Variants in RAB31 observed in about 807,000 individuals in gnomAD.
RAB31 encodes the protein RAB31, member RAS oncogene family, also known as ras-related protein Rab-31.
Under a neutral mutation model 25.6 loss-of-function variants are expected in RAB31, and 21 were observed. That is an observed-to-expected ratio of 0.82 (90% CI 0.58 to 1.18). The LOEUF (loss-of-function observed/expected upper bound fraction) is 1.18, where lower values mean the gene tolerates loss of function less well. Ranked by LOEUF, RAB31 falls within the 50% of genes most tolerant of loss-of-function variation. The probability of loss-of-function intolerance (pLI) is 0.00; values close to 1 mark genes in which losing one functional copy is unlikely to be tolerated. For missense variants in RAB31, 196 were observed against 250.1 expected (o/e 0.78, Z 1.46); for synonymous variants, 87 against 84.0 (o/e 1.04, Z -0.20).
intron 3 of RAB31, among the ~76,000 whole-genome samples, chr18:9,805,601 A>G (rs1022327857): frequency 6.6e-6 from 1 of 152,164 alleles, no homozygotes; most frequent in African/African-American, 2.4e-5. Context: ...GTAACCTAAC[A>G]TAGTCACAGG....
intron 2 of RAB31, 129 bp from the exon 3 acceptor site, chr18:9,792,025 G>A (rs1439720417): frequency 2.4e-5 from 31 of 1,277,438 alleles, no homozygotes; most frequent in Middle Eastern, 2.3e-4. Context: ...CCCTTTTCTC[G>A]TCTTAGTGGT....
intron 1 of RAB31, among the ~76,000 whole-genome samples, chr18:9,741,460 C>G (rs892924793): frequency 1.3e-5 from 2 of 149,634 alleles, no homozygotes; most frequent in African/African-American, 4.9e-5. Flanking sequence ...GGTGTCAGTG[C>G]TAAGTGACCA....
chr18:9,838,437 G>A (rs1396122309), intron 5 of RAB31, among the ~76,000 whole-genome samples: 1 of 152,152 alleles, frequency 6.6e-6, no homozygotes, highest in South Asian at 2.1e-4. Flanking sequence ...CCTCCGTAGG[G>A]AAAAGCATTC....
chr18:9,781,015 G>A (rs1436778173), intron 2 of RAB31, among the ~76,000 whole-genome samples: 5 of 152,280 alleles, frequency 3.3e-5, no homozygotes, highest in Admixed American at 1.3e-4. Flanking sequence ...AGATACCCAT[G>A]TATACTGCTG....
chr18:9,788,784 G>A (rs1026674917), intron 2 of RAB31, among the ~76,000 whole-genome samples: 3 of 152,178 alleles, frequency 2.0e-5, no homozygotes, highest in African/African-American at 7.2e-5. Context: ...TGGCCAACAT[G>A]GTGAAACCCC....
intron 1 of RAB31, among the ~76,000 whole-genome samples, chr18:9,771,596 C>T (rs536361921): frequency 2.2e-4 from 34 of 152,312 alleles, no homozygotes; most frequent in Admixed American, 1.8e-3. Context: ...CGGGGAAGGG[C>T]ATTCCCAGCG....
intron 1 of RAB31, among the ~76,000 whole-genome samples, chr18:9,751,078 G>T (rs117028455): frequency 6.6e-6 from 1 of 151,890 alleles, no homozygotes; most frequent in Non-Finnish European, 1.5e-5. Flanking sequence ...ATGGTCACCC[G>T]GGCTGGAGTG....
intron 2 of RAB31, among the ~76,000 whole-genome samples, chr18:9,785,838 A>G (rs2068429210): frequency 6.6e-6 from 1 of 152,194 alleles, no homozygotes; most frequent in South Asian, 2.1e-4. Context: ...AGGTGGGTGG[A>G]TCATCTGAAG....
chr18:9,806,577 G>A (rs796348048), intron 3 of RAB31, among the ~76,000 whole-genome samples: 5 of 152,236 alleles, frequency 3.3e-5, no homozygotes, highest in African/African-American at 1.2e-4. Flanking sequence ...GGACCAGGGC[G>A]GGCCCAAGAA....
intron 2 of RAB31, among the ~76,000 whole-genome samples, chr18:9,789,753 G>T (rs2068450883): frequency 6.6e-6 from 1 of 152,098 alleles, no homozygotes. Flanking sequence ...AATATATTAG[G>T]TCTCCCCGGT....
At chr18:9,835,306 C>CT (rs138097190) in intron 5 of RAB31, among the ~76,000 whole-genome samples, 1,684 of 152,216 alleles carry the variant, frequency 0.011, 31 homozygotes, top group African/African-American at 0.038. Flanking sequence ...TGGTATGATC[C>CT]GCTCAGAGGA....
chr18:9,785,955 G>A (rs2068429865), intron 2 of RAB31, among the ~76,000 whole-genome samples: 1 of 152,180 alleles, frequency 6.6e-6, no homozygotes, highest in Non-Finnish European at 1.5e-5. Context: ...CAGCTACTCA[G>A]GAGGCTGAGG....
intron 5 of RAB31, among the ~76,000 whole-genome samples, chr18:9,830,000 TA>T (rs1232914793): frequency 3.3e-5 from 5 of 150,972 alleles, no homozygotes; most frequent in African/African-American, 4.9e-5. Flanking sequence ...CTTTTGCTTT[TA>T]AAAAATATTA....
intron 1 of RAB31, among the ~76,000 whole-genome samples, chr18:9,728,823 G>T (rs775282502): frequency 6.6e-6 from 1 of 152,112 alleles, no homozygotes; most frequent in African/African-American, 2.4e-5. Context: ...ACAGGCGTGA[G>T]CCACCCCACC....
At chr18:9,836,539 C>G (rs1289125559) in intron 5 of RAB31, among the ~76,000 whole-genome samples, 1 of 152,210 alleles carries the variant, frequency 6.6e-6, no homozygotes, top group African/African-American at 2.4e-5. Context: ...TCAGACTTGA[C>G]TTTTTATAGT....
Position 9,766,326 on chromosome 18 carries a change from C to T in RAB31, c.40-8952C>T, listed in dbSNP as rs889214880. 2.2e-4 allele frequency among the ~76,000 whole-genome samples: 34 copies of T among 152,318 alleles called. No homozygotes were observed. Among genetic ancestry groups the T allele is most frequent in the African/African-American group, 7.9e-4 (33 of 41,582 alleles). On this transcript the variant is annotated intron_variant, in intron 1 of 6. Coordinates refer to ENST00000578921, the MANE Select transcript of RAB31 (RefSeq NM_006868.4). This position sits in a 1 kb window ranked among gnomAD's most constrained non-coding sequence, Gnocchi z 4.3. ...CTCTGCATCTGCGAGCTCCATCTGCCCCCGGAGTGGGTGAGCCAGGCAAGC... is the reference window on the plus strand; with the variant it reads ...CTCTGCATCTGCGAGCTCCATCTGCTCCCGGAGTGGGTGAGCCAGGCAAGC...
intron 5 of RAB31, among the ~76,000 whole-genome samples, chr18:9,820,515 CA>C (rs1244630894): frequency 6.6e-6 from 1 of 151,956 alleles, no homozygotes; most frequent in East Asian, 1.9e-4. Flanking sequence ...AACAGTCTTG[CA>C]GAATGAGTTG....
intron 3 of RAB31, among the ~76,000 whole-genome samples, chr18:9,809,618 G>A (rs1478514142): frequency 6.6e-6 from 1 of 152,140 alleles, no homozygotes; most frequent in Non-Finnish European, 1.5e-5. Context: ...TGCCTCATGT[G>A]CCATTTAATA....
chr18:9,764,734 T>G (rs920191980), intron 1 of RAB31, among the ~76,000 whole-genome samples: 3 of 152,170 alleles, frequency 2.0e-5, no homozygotes, highest in African/African-American at 7.2e-5. Flanking sequence ...CCTTATTCTC[T>G]GTATGTGGGC....
Sources: gnomAD v4.1 joint callset for allele counts (sites outside exome capture counted in the v4.1 genomes callset) on GRCh38, gnomAD v4.1.1 for gene constraint, Gnocchi (gnomAD v3.1) non-coding constraint, MANE v1.5 for transcripts, NCBI Gene and HGNC (gene_info 2026-07-23, HGNC 2026-07-21) for gene names.